Variants in IGSF11 observed in about 807,000 individuals in gnomAD.
IGSF11 encodes the protein CXADR like 1.
A neutral mutation model predicts 41.0 loss-of-function variants in IGSF11; 22 were observed. The ratio of observed to expected loss-of-function variants is 0.54; its 90% CI spans 0.38 to 0.77. The LOEUF (loss-of-function observed/expected upper bound fraction) is 0.77. Ranked by LOEUF, IGSF11 falls within the 30% of genes least tolerant of loss-of-function variation. The pLI, the probability that IGSF11 is intolerant of heterozygous loss-of-function variation, is 0.00. For synonymous variants in IGSF11, 219 were observed against 201.3 expected (o/e 1.09, Z -0.74); for missense variants, 444 against 530.8 (o/e 0.84, Z 1.61).
At chr3:118,940,032 T>C (rs1027193391) in intron 1 of IGSF11, among the ~76,000 whole-genome samples, 13 of 152,156 alleles carry the variant, frequency 8.5e-5, no homozygotes, top group Non-Finnish European at 1.8e-4. Context: ...TTACAGATCC[T>C]ACAGACATTA....
intron 1 of IGSF11, among the ~76,000 whole-genome samples, chr3:118,989,510 G>C (rs1935586283): frequency 6.6e-6 from 1 of 151,926 alleles, no homozygotes; most frequent in Non-Finnish European, 1.5e-5. Flanking sequence ...CCACCACCAC[G>C]CCCAGCTAAT....
intron 1 of IGSF11, among the ~76,000 whole-genome samples, chr3:119,122,593 C>T (rs1434083642): frequency 2.0e-5 from 3 of 152,200 alleles, no homozygotes; most frequent in Non-Finnish European, 4.4e-5. Flanking sequence ...ATATACCGCC[C>T]CTCACCCAAC....
chr3:119,052,674 G>A (rs1485305716), intron 1 of IGSF11, among the ~76,000 whole-genome samples: 5 of 150,346 alleles, frequency 3.3e-5, no homozygotes, highest in African/African-American at 1.2e-4. Flanking sequence ...CCAAAACCAG[G>A]AAAGGACACA....
chr3:118,934,265 T>C lies in IGSF11; in HGVS notation c.53-3990A>G, dbSNP rs552787784. Among the ~76,000 whole-genome samples the C allele has an allele frequency of 4.6e-5, 7 of 152,314 alleles. No homozygotes were observed. The East Asian group carries it at 9.7e-4, about 21-fold the overall frequency. On this transcript the variant is annotated intron_variant, in intron 1 of 6. Coordinates refer to ENST00000393775, the MANE Select transcript of IGSF11 (RefSeq NM_001015887.3). ...ATACCTCCTTGTGGCTGTATGACAC[T>C]TGTAATCATTCTTGGACTCTGGTAA...
intron 1 of IGSF11, among the ~76,000 whole-genome samples, chr3:118,965,271 T>A (rs1945591783): frequency 6.6e-6 from 1 of 152,070 alleles, no homozygotes; most frequent in African/African-American, 2.4e-5. Flanking sequence ...AATTCTAACA[T>A]GAGCTACATA....
chr3:118,956,850 C>G (rs1944995986), intron 1 of IGSF11, among the ~76,000 whole-genome samples: 1 of 152,174 alleles, frequency 6.6e-6, no homozygotes, highest in African/African-American at 2.4e-5. Flanking sequence ...GATAGACTCA[C>G]TAGATGCAGG....
rs1939089156 is a variant in IGSF11 at position 118,902,938 on chromosome 3, C to T, written c.878G>A (p.Cys293Tyr). 3.1e-6 allele frequency: 5 copies of T among 1,613,826 alleles called. No individual in the cohort carries two copies. Among genetic ancestry groups the T allele is most frequent in the Non-Finnish European group, 4.2e-6 (5 of 1,179,728 alleles). ...EIREDDLPPKCSSAKAFHTEI... is the reference protein window; with the variant it reads ...EIREDDLPPKYSSAKAFHTEI... ...AGTGTGAAATGCTTTGGCAGAAGAACACTTGGGTGGAAGATCATCCTCTCT... is the reference window on the plus strand; with the variant it reads ...AGTGTGAAATGCTTTGGCAGAAGAATACTTGGGTGGAAGATCATCCTCTCT... Residue 293 changes from cysteine (C) to tyrosine (Y), a missense_variant, in exon 7 of 7, where the codon TGT becomes TAT. Coordinates refer to ENST00000393775, the MANE Select transcript of IGSF11 (RefSeq NM_001015887.3).
chr3:119,117,031 T>C (rs549147942), intron 1 of IGSF11, among the ~76,000 whole-genome samples: 8 of 152,286 alleles, frequency 5.3e-5, no homozygotes, highest in African/African-American at 1.9e-4. Flanking sequence ...ATATGGGCTT[T>C]GAATGAGATT....
At chr3:119,065,495 A>G (rs942605181) in intron 1 of IGSF11, among the ~76,000 whole-genome samples, 9 of 152,180 alleles carry the variant, frequency 5.9e-5, no homozygotes, top group Non-Finnish European at 1.3e-4. Flanking sequence ...CTGGCCTCAC[A>G]AAAAGCAAGG....
intron 1 of IGSF11, among the ~76,000 whole-genome samples, chr3:119,008,508 G>A (rs916546834): frequency 2.0e-5 from 3 of 152,148 alleles, no homozygotes; most frequent in African/African-American, 7.2e-5. Context: ...AAGAGAATCA[G>A]GGAAACAAGG....
chr3:119,089,276 T>TAC (rs1185222033), intron 1 of IGSF11, among the ~76,000 whole-genome samples: 1 of 151,910 alleles, frequency 6.6e-6, no homozygotes, highest in Non-Finnish European at 1.5e-5. Flanking sequence ...TGGTTCAACA[T>TAC]ACACAAACCA....
chr3:118,963,235 C>T (rs1945461289), intron 1 of IGSF11, among the ~76,000 whole-genome samples: 2 of 152,116 alleles, frequency 1.3e-5, no homozygotes, highest in Admixed American at 1.3e-4. Context: ...ATCCTAAGCA[C>T]CCAGGTAATT....
intron 1 of IGSF11, among the ~76,000 whole-genome samples, chr3:119,011,382 T>G (rs961526927): frequency 6.6e-6 from 1 of 152,116 alleles, no homozygotes; most frequent in African/African-American, 2.4e-5. Flanking sequence ...AAATTCTATA[T>G]AAAAAGTCTG....
In IGSF11 at chr3:118,996,592, GT is replaced by G. The variant is rs1220412474; in HGVS notation, c.52+37938del. Among the ~76,000 whole-genome samples, 23 of 147,750 alleles carry G rather than the reference GT, an allele frequency of 1.6e-4. No homozygotes were observed. In the South Asian group the frequency reaches 3.2e-3, roughly 21 times the overall value. ...ACTTTAAAGACAAAGAACATGTCTT[GT>G]TTTTTTTTTGTTTTTGTTTTTGTTT... On this transcript the variant is annotated intron_variant, in intron 1 of 6. Transcript: ENST00000393775.
intron 1 of IGSF11, among the ~76,000 whole-genome samples, chr3:119,068,184 A>C (rs888437844): frequency 3.3e-5 from 5 of 152,228 alleles, no homozygotes; most frequent in African/African-American, 4.8e-5. Context: ...ATAGAGCAGA[A>C]AAGGCATACC....
At chr3:119,142,041 C>T (rs537252616) in intron 1 of IGSF11, among the ~76,000 whole-genome samples, 2 of 151,980 alleles carry the variant, frequency 1.3e-5, no homozygotes, top group East Asian at 1.9e-4. Flanking sequence ...TTTGGGAGGC[C>T]GAGGAGGACG....
At chr3:119,010,073 A>G (rs552878871) in intron 1 of IGSF11, among the ~76,000 whole-genome samples, 17 of 152,256 alleles carry the variant, frequency 1.1e-4, no homozygotes, top group Non-Finnish European at 2.5e-4. Context: ...TGAAAAAAGT[A>G]GAGAAAGTCA....
chr3:119,062,179 G>A (rs1206186848), intron 1 of IGSF11, among the ~76,000 whole-genome samples: 1 of 152,062 alleles, frequency 6.6e-6, no homozygotes, highest in African/African-American at 2.4e-5. Flanking sequence ...TAGTAGAATT[G>A]GTTTTATTTG....
chr3:118,929,734 T>TA lies in IGSF11; in HGVS notation c.216+377dup, dbSNP rs1237851933. On this transcript the variant is annotated intron_variant, in intron 2 of 6. Coordinates refer to ENST00000393775, the MANE Select transcript of IGSF11 (RefSeq NM_001015887.3). ...CTTTAAAATACTAGTGAAATTAACT[T>TA]AAAAAAAATCAAGTACTACAACCTA... is the stretch of plus-strand genomic sequence containing the variant. Among the ~76,000 whole-genome samples, 13 of 152,126 alleles carry TA rather than the reference T, an allele frequency of 8.5e-5. 1 individual carries two copies. The South Asian group carries it at 1.0e-3, about 12-fold the overall frequency.
Sources: allele counts gnomAD v4.1 joint callset (sites outside exome capture counted in the v4.1 genomes callset), GRCh38; gene constraint gnomAD v4.1.1; transcripts MANE v1.5; gene names NCBI Gene and HGNC (gene_info 2026-07-23, HGNC 2026-07-21).